PFKFB2: variants seen among roughly 807,000 people sequenced by gnomAD.
PFKFB2 encodes the protein 6-phosphofructo-2-kinase/fructose-2,6-bisphosphatase 2.
Under a neutral mutation model 68.0 loss-of-function variants are expected in PFKFB2, and 53 were observed. The observed-to-expected ratio is 0.78, with a 90% CI of 0.63 to 0.98. The LOEUF (loss-of-function observed/expected upper bound fraction) is 0.98. Ranked by LOEUF, PFKFB2 falls within the 50% of genes least tolerant of loss-of-function variation. PFKFB2 has a pLI of 0.00. For missense variants in PFKFB2, 451 were observed against 642.0 expected (o/e 0.70, Z 3.22); for synonymous variants, 222 against 227.6 (o/e 0.98, Z 0.22).
In PFKFB2 at chr1:207,074,055, C is replaced by A; in HGVS notation, c.*1684C>A. On this transcript the variant is annotated 3_prime_UTR_variant, in exon 15 of 15. Coordinates refer to ENST00000367080, the MANE Select transcript of PFKFB2 (RefSeq NM_006212.2). ...TTAGGATTGTTGAATCATAAACATG[C>A]CTGTGTCCACCTTATGCTTAATACT... The A allele has an allele frequency of 1.1e-6, 1 of 896,888 alleles. No individual in the cohort carries two copies. The highest frequency in any genetic ancestry group is 1.3e-6 in the Non-Finnish European group (1 of 749,330). 55.6% of individuals were successfully genotyped at this position (896,888 alleles called of 1,614,324 possible).
In PFKFB2 at chr1:207,077,215, C is replaced by A; in HGVS notation, c.*4844C>A. On this transcript the variant is annotated 3_prime_UTR_variant, in exon 15 of 15. Coordinates refer to ENST00000367080, the MANE Select transcript of PFKFB2 (RefSeq NM_006212.2). Reference sequence around the variant, plus strand: ...CTGAAGCTTCTGTGTCCCCAGCTTACCCTGTTCTGAAATGTTGTATTCCAT... The same window carrying A: ...CTGAAGCTTCTGTGTCCCCAGCTTAACCTGTTCTGAAATGTTGTATTCCAT... 1.0e-6 allele frequency: 1 copy of A among 985,338 alleles called. No homozygotes were observed. Among genetic ancestry groups the A allele is most frequent in the Non-Finnish European group, 1.2e-6 (1 of 829,896 alleles). The allele number at this position is 985,338 out of a possible 1,614,324, so 61.0% of individuals were successfully genotyped here.
At chr1:207,060,970 CTATATATCTATATATCTA>C (rs1442991051) in intron 2 of PFKFB2, 1 of 128,452 alleles carries the variant, frequency 7.8e-6, no homozygotes, top group East Asian at 2.0e-4. Context: ...ATATATATAT[CTATATATCTATATATCTA>C]TATATATCTA....
At chr1:207,072,163 C>G in intron 14 of PFKFB2, 41 bp from the exon 15 acceptor site, 2 of 1,602,762 alleles carry the variant, frequency 1.2e-6, no homozygotes, top group African/African-American at 1.3e-5. Context: ...GAGCTTTTGG[C>G]TTGGCTTTCA....
chr1:207,072,050 G>T (rs1194907328), intron 14 of PFKFB2, among the ~76,000 whole-genome samples, 154 bp from the exon 15 acceptor site: 1 of 152,218 alleles, frequency 6.6e-6, no homozygotes, highest in Non-Finnish European at 1.5e-5. Flanking sequence ...CTGATGCTAG[G>T]AGGCCAGGCC....
intron 1 of PFKFB2, among the ~76,000 whole-genome samples, chr1:207,034,704 T>C (rs1168050200): frequency 2.0e-5 from 3 of 152,166 alleles, no homozygotes; most frequent in Non-Finnish European, 4.4e-5. Flanking sequence ...TTGTAAATTA[T>C]GAAATATTTC....
At chr1:207,059,927 C>T (rs1683036618) in intron 2 of PFKFB2, among the ~76,000 whole-genome samples, 1 of 152,236 alleles carries the variant, frequency 6.6e-6, no homozygotes, top group Non-Finnish European at 1.5e-5. Flanking sequence ...GCAGCCGCAA[C>T]TTGCAGGGCA....
At chr1:207,065,235 TC>T (rs1683249638) in intron 8 of PFKFB2, 75 bp downstream of exon 8, 3 of 1,576,486 alleles carry the variant, frequency 1.9e-6, no homozygotes, top group Non-Finnish European at 2.6e-6. Flanking sequence ...CTCCCTGAGT[TC>T]TCTAACTTCC....
chr1:207,064,625 C>T (rs1683225439), intron 7 of PFKFB2, among the ~76,000 whole-genome samples: 1 of 152,176 alleles, frequency 6.6e-6, no homozygotes, highest in South Asian at 2.1e-4. Context: ...GGTGCTCTCC[C>T]AGCCGTAGGA....
At chr1:207,064,925 G>A (rs1230587533) in intron 7 of PFKFB2, 111 bp from the exon 8 acceptor site, 1 of 1,286,520 alleles carries the variant, frequency 7.8e-7, no homozygotes. Flanking sequence ...ATGTTCCAGT[G>A]AAAGGCGACA....
In PFKFB2 at chr1:207,075,465, A is replaced by T. The variant is rs1037398350; in HGVS notation, c.*3094A>T. ...TAGAGAAGTTTCAGCTCTACTTCTC[A>T]TCTTTTCTCTCCTGGTCTTACTTGA... is the stretch of plus-strand genomic sequence containing the variant. On this transcript the variant is annotated 3_prime_UTR_variant, in exon 15 of 15. Coordinates refer to ENST00000367080, the MANE Select transcript of PFKFB2 (RefSeq NM_006212.2). 2 of 985,320 alleles carry T rather than the reference A, an allele frequency of 2.0e-6. No individual in the cohort carries two copies. Among genetic ancestry groups the T allele is most frequent in the Non-Finnish European group, 2.4e-6 (2 of 829,902 alleles). The allele number at this position is 985,320 out of a possible 1,614,324, so 61.0% of individuals were successfully genotyped here. A position where few individuals can be genotyped will look rare whatever the true frequency, so the allele number is the denominator to read the frequency against.
At chr1:207,046,023 T>G (rs1315645164) in intron 2 of PFKFB2, 3 of 151,978 alleles carry the variant, frequency 2.0e-5, no homozygotes, top group African/African-American at 7.2e-5. Flanking sequence ...ATCACAAAAT[T>G]TCCAGGTATG....
intron 2 of PFKFB2, among the ~76,000 whole-genome samples, chr1:207,059,977 G>T (rs1054110370): frequency 6.6e-6 from 1 of 152,200 alleles, no homozygotes; most frequent in African/African-American, 2.4e-5. Flanking sequence ...AGGTGAAGGT[G>T]TTTCTTCCTT....
Position 207,061,257 on chromosome 1 carries a change from T to C in PFKFB2, c.86-696T>C, listed in dbSNP as rs917134814. ...CCAGGCTTATCTTGAACTCCTGGCCTCAAGTGATCCTCCCACCTCATTCTC... is the reference window on the plus strand; with the variant it reads ...CCAGGCTTATCTTGAACTCCTGGCCCCAAGTGATCCTCCCACCTCATTCTC... On this transcript the variant is annotated intron_variant, in intron 2 of 14. Transcript: ENST00000367080. Among the ~76,000 whole-genome samples the C allele has an allele frequency of 4.9e-5, 7 of 142,194 alleles. No homozygotes were observed. The East Asian group carries it at 1.4e-3, about 29-fold the overall frequency. 93.3% of individuals were successfully genotyped at this position (142,194 alleles called of 152,430 possible).
chr1:207,067,741 C>G, intron 9 of PFKFB2, 35 bp downstream of exon 9: 1 of 1,530,922 alleles, frequency 6.5e-7, no homozygotes, highest in Non-Finnish European at 9.0e-7. Context: ...ATTTTCTAGG[C>G]TTAGAGTTAG....
intron 8 of PFKFB2, among the ~76,000 whole-genome samples, chr1:207,067,086 C>T (rs1244584930): frequency 6.6e-6 from 1 of 152,194 alleles, no homozygotes; most frequent in African/African-American, 2.4e-5. Flanking sequence ...CTTCTGCTGC[C>T]TCTTCCCTTC....
intron 1 of PFKFB2, among the ~76,000 whole-genome samples, chr1:207,040,177 C>G (rs2102315459): frequency 6.6e-6 from 1 of 152,298 alleles, no homozygotes; most frequent in Admixed American, 6.5e-5. Flanking sequence ...ATTTTGTCTA[C>G]ATTTTGTACT....
intron 1 of PFKFB2, 116 bp from the exon 2 acceptor site, chr1:207,054,585 G>A: frequency 1.6e-6 from 1 of 628,478 alleles, no homozygotes; most frequent in South Asian, 1.9e-5. Flanking sequence ...GACTGAACCT[G>A]CCTCTTGGCC....
At chr1:207,080,597 A>G (rs1264133839), downstream of PFKFB2, 1 of 152,184 alleles carries the variant, frequency 6.6e-6, no homozygotes, top group Non-Finnish European at 1.5e-5. Context: ...TGATCAGACA[A>G]TGTTTATATT....
rs1359370319 is a variant in PFKFB2, at chr1:207,070,503, T to A, written c.1222+94T>A. 6.4e-6 allele frequency: 9 copies of A among 1,400,846 alleles called. No individual in the cohort carries two copies. The highest frequency in any genetic ancestry group is 7.8e-6 in the Non-Finnish European group (8 of 1,020,660). The allele number at this position is 1,400,846 out of a possible 1,614,324, so 86.8% of individuals were successfully genotyped here. On this transcript the variant is annotated intron_variant, in intron 12 of 14. Transcript: ENST00000367080. This position sits in a 1 kb window ranked among gnomAD's most constrained non-coding sequence, Gnocchi z 4.2. Reference sequence around the variant, plus strand: ...TTCCTGGGAAACAGACCTCCCTGTCTCCACTCAAATTAGAGTACTTTCTCC... The same window carrying A: ...TTCCTGGGAAACAGACCTCCCTGTCACCACTCAAATTAGAGTACTTTCTCC...
Sources: gnomAD v4.1 joint callset for allele counts (sites outside exome capture counted in the v4.1 genomes callset) on GRCh38, gnomAD v4.1.1 for gene constraint, Gnocchi (gnomAD v3.1) non-coding constraint, MANE v1.5 for transcripts, NCBI Gene and HGNC (gene_info 2026-07-23, HGNC 2026-07-21) for gene names.